Variants in NKAIN3 observed in about 807,000 individuals in gnomAD.
NKAIN3 encodes sodium/potassium-transporting ATPase subunit beta-1-interacting protein 3.
In NKAIN3, 25 loss-of-function variants were observed where a neutral mutation model predicts 30.2. That is an observed-to-expected ratio of 0.83 (90% CI 0.60 to 1.16). The LOEUF (loss-of-function observed/expected upper bound fraction) is 1.16, where lower values mean the gene tolerates loss of function less well. NKAIN3 is among the 50% of genes most tolerant of loss of function. NKAIN3 has a pLI of 0.00. For synonymous variants in NKAIN3, 91 were observed against 89.6 expected (o/e 1.02, Z -0.09); for missense variants, 225 against 254.1 (o/e 0.89, Z 0.78).
At position 62,759,235 on chromosome 8, in the gene NKAIN3, T is replaced by C. The variant is rs562885707; in HGVS notation, c.471+12106T>C. Among the ~76,000 whole-genome samples, 3 of 152,312 alleles carry C rather than the reference T, an allele frequency of 2.0e-5. No homozygotes were observed. In the East Asian group the frequency reaches 5.8e-4, roughly 29 times the overall value. ...TTTAATTACATAGAACCTTCATGGA[T>C]GGGTTGTTCTGGAGATCTAAATAAA... On this transcript the variant is annotated intron_variant, in intron 4 of 6. Transcript: ENST00000623646.
chr8:62,862,076 G>A (rs1820263755), intron 4 of NKAIN3, among the ~76,000 whole-genome samples: 1 of 152,018 alleles, frequency 6.6e-6, no homozygotes, highest in Non-Finnish European at 1.5e-5. Context: ...TTTTATTCTT[G>A]CTCTCCTCAC....
intron 1 of NKAIN3, among the ~76,000 whole-genome samples, chr8:62,493,252 T>A (rs1347214602): frequency 6.6e-6 from 1 of 152,176 alleles, no homozygotes; most frequent in Non-Finnish European, 1.5e-5. Flanking sequence ...GGCTAGCCAG[T>A]TATCCCAGAA....
chr8:62,667,886 T>C (rs1813176877), intron 3 of NKAIN3, among the ~76,000 whole-genome samples: 1 of 152,156 alleles, frequency 6.6e-6, no homozygotes, highest in Non-Finnish European at 1.5e-5. Context: ...AAGGTGTTCC[T>C]CCAGGAAACT....
intron 1 of NKAIN3, among the ~76,000 whole-genome samples, chr8:62,527,882 G>GGTGT (rs68020312): frequency 0.043 from 6,133 of 143,736 alleles, 302 homozygotes; most frequent in African/African-American, 0.13. Flanking sequence ...ACTTTTTTTT[G>GGTGT]GTGTGTGTGT....
At chr8:62,486,289 A>G (rs78484553) in intron 1 of NKAIN3, among the ~76,000 whole-genome samples, 1,708 of 152,234 alleles carry the variant, frequency 0.011, 30 homozygotes, top group African/African-American at 0.036. Flanking sequence ...ATCAGAGTTG[A>G]GAAGGAAGGG....
intron 3 of NKAIN3, among the ~76,000 whole-genome samples, chr8:62,638,546 T>C (rs1489255108): frequency 1.3e-5 from 2 of 152,092 alleles, no homozygotes; most frequent in East Asian, 3.9e-4. Flanking sequence ...CTTGGAGGAG[T>C]AGATTTAATG....
intron 1 of NKAIN3, among the ~76,000 whole-genome samples, chr8:62,294,551 A>G (rs1813765606): frequency 6.6e-6 from 1 of 152,068 alleles, no homozygotes. Flanking sequence ...TTACTCTTAA[A>G]TACTCCTATT....
intron 3 of NKAIN3, among the ~76,000 whole-genome samples, chr8:62,621,980 A>G (rs1466040639): frequency 6.6e-6 from 1 of 152,084 alleles, no homozygotes; most frequent in Non-Finnish European, 1.5e-5. Flanking sequence ...TAACCCCTGG[A>G]AACCAAAAAT....
chr8:62,864,242 A>G, intron 4 of NKAIN3: 1 of 801,326 alleles, frequency 1.2e-6, no homozygotes, highest in Non-Finnish European at 2.1e-6. Context: ...CAGCAGGATT[A>G]GAGGAGGCGG....
intron 4 of NKAIN3, among the ~76,000 whole-genome samples, chr8:62,888,382 A>G (rs573467483): frequency 1.3e-5 from 2 of 152,280 alleles, no homozygotes; most frequent in South Asian, 4.2e-4. Context: ...TGTAAATAAA[A>G]CTTACAAAAA....
At chr8:62,520,272 T>G (rs1303910330) in intron 1 of NKAIN3, among the ~76,000 whole-genome samples, 2 of 152,132 alleles carry the variant, frequency 1.3e-5, no homozygotes, top group African/African-American at 4.8e-5. Flanking sequence ...CTGTGTCAGA[T>G]TTATGATACT....
At chr8:62,564,455 C>T (rs827702) in intron 1 of NKAIN3, among the ~76,000 whole-genome samples, 34,795 of 152,058 alleles carry the variant, frequency 0.23, 4,178 homozygotes, top group East Asian at 0.37. Flanking sequence ...CTTCTTTAAG[C>T]AAGAAATAAA....
intron 3 of NKAIN3, among the ~76,000 whole-genome samples, chr8:62,610,444 G>GAGTAGAT (rs1811254333): frequency 6.6e-6 from 1 of 152,056 alleles, no homozygotes; most frequent in Non-Finnish European, 1.5e-5. Flanking sequence ...TTTCAAAGCA[G>GAGTAGAT]AGTAGATAGT....
chr8:62,334,462 T>G (rs912300420), intron 1 of NKAIN3, among the ~76,000 whole-genome samples: 4 of 152,114 alleles, frequency 2.6e-5, no homozygotes, highest in African/African-American at 9.6e-5. Flanking sequence ...GTCCTTGCAT[T>G]AGAACCTCCC....
At chr8:62,719,032 A>G (rs532462549) in intron 3 of NKAIN3, among the ~76,000 whole-genome samples, 1 of 152,310 alleles carries the variant, frequency 6.6e-6, no homozygotes, top group South Asian at 2.1e-4. Context: ...GATAAATTAC[A>G]CTACAGTGTG....
At chr8:62,440,546 G>T (rs1805291877) in intron 1 of NKAIN3, among the ~76,000 whole-genome samples, 1 of 151,982 alleles carries the variant, frequency 6.6e-6, no homozygotes, top group Non-Finnish European at 1.5e-5. Context: ...GCCATTATAT[G>T]TCCTTCATCT....
rs1811985844 is a variant in NKAIN3 at position 62,248,970 on chromosome 8, G to A, written c.-104G>A. On this transcript the variant is annotated 5_prime_UTR_variant, in exon 1 of 7. Transcript: ENST00000623646. ...CGCGAGCGGCGGCCGCGGGGCCGAGGAGCCTGGGCCGGGCCGGGCGGGGAC... is the reference window on the plus strand; with the variant it reads ...CGCGAGCGGCGGCCGCGGGGCCGAGAAGCCTGGGCCGGGCCGGGCGGGGAC... 2.3e-5 allele frequency: 25 copies of A among 1,085,972 alleles called. No individual in the cohort carries two copies. The highest frequency in any genetic ancestry group is 3.1e-5 in the Non-Finnish European group (24 of 769,116). 67.3% of individuals were successfully genotyped at this position (1,085,972 alleles called of 1,614,324 possible).
intron 3 of NKAIN3, among the ~76,000 whole-genome samples, chr8:62,590,105 G>A (rs930994274): frequency 3.3e-5 from 5 of 151,570 alleles, no homozygotes; most frequent in African/African-American, 1.2e-4. Context: ...CATAGTGACT[G>A]CAGGCCTAAA....
chr8:62,291,661 G>T (rs1295289365), intron 1 of NKAIN3, among the ~76,000 whole-genome samples: 1 of 152,208 alleles, frequency 6.6e-6, no homozygotes, highest in African/African-American at 2.4e-5. Flanking sequence ...TTCGAACTAT[G>T]TGGTCAATTT....
Sources: allele counts gnomAD v4.1 joint callset (sites outside exome capture counted in the v4.1 genomes callset), GRCh38; gene constraint gnomAD v4.1.1; transcripts MANE v1.5; gene names NCBI Gene and HGNC (gene_info 2026-07-23, HGNC 2026-07-21).